The following CSMD1 variants were observed in gnomAD, a reference collection of about 807,000 sequenced individuals.
CSMD1 encodes CUB and Sushi multiple domains 1.
CSMD1 carries 213 observed loss-of-function variants against 417.5 expected under a neutral mutation model. The ratio of observed to expected loss-of-function variants is 0.51; its 90% CI spans 0.46 to 0.57. CSMD1 has a LOEUF of 0.57. Ranked by LOEUF, CSMD1 falls within the 20% of genes least tolerant of loss-of-function variation. CSMD1 has a pLI of 0.00. For missense variants in CSMD1, 6,923 were observed against 4,529.7 expected (o/e 1.53, Z -15.17); for synonymous variants, 2,862 against 1,736.8 (o/e 1.65, Z -16.11).
intron 2 of CSMD1, among the ~76,000 whole-genome samples, chr8:4,510,663 C>T (rs1455004316): frequency 2.1e-5 from 3 of 142,508 alleles, no homozygotes; most frequent in African/African-American, 7.8e-5. Context: ...TTCCTTCCGT[C>T]TTCCTTTCCT....
Position 4,171,669 on chromosome 8 carries a change from T to C in CSMD1, c.416-139570A>G, listed in dbSNP as rs758685009. Among the ~76,000 whole-genome samples, 34 of 152,008 alleles carry C rather than the reference T, an allele frequency of 2.2e-4. 1 individual carries two copies. The highest frequency in any genetic ancestry group is 4.0e-4 in the Non-Finnish European group (27 of 68,028). ...TGTTTTTTTCCCAATGCAGATAAAC[T>C]GGTAGAATATTTAGAACAAAGTTAA... is the stretch of plus-strand genomic sequence containing the variant. On this transcript the variant is annotated intron_variant, in intron 3 of 69. Transcript: ENST00000635120.
Position 3,708,495 on chromosome 8 carries a change from G to A in CSMD1, c.932-4C>T, listed in dbSNP as rs745578510. On this transcript the variant is annotated splice_polypyrimidine_tract_variant and splice_region_variant and intron_variant, in intron 6 of 69. Coordinates refer to ENST00000635120, the MANE Select transcript of CSMD1 (RefSeq NM_033225.6). Reference sequence around the variant, plus strand: ...TTCAACTCAATCGCCTTTTTCACTGGAAGAAACAAAACCAAGCCATTAGCA... The same window carrying A: ...TTCAACTCAATCGCCTTTTTCACTGAAAGAAACAAAACCAAGCCATTAGCA... 116 of 1,613,514 alleles carry A rather than the reference G, an allele frequency of 7.2e-5. No individual in the cohort carries two copies. The highest frequency in any genetic ancestry group is 6.7e-5 in the East Asian group (3 of 44,848).
At chr8:4,125,610 G>C (rs954630906) in intron 3 of CSMD1, among the ~76,000 whole-genome samples, 1 of 152,140 alleles carries the variant, frequency 6.6e-6, no homozygotes, top group Admixed American at 6.5e-5. Flanking sequence ...TTATAACTGA[G>C]GAAATTATGT....
Position 4,164,097 on chromosome 8 carries a change from T to C in CSMD1, c.416-131998A>G, listed in dbSNP as rs1341512065. On this transcript the variant is annotated intron_variant, in intron 3 of 69. Coordinates refer to ENST00000635120, the MANE Select transcript of CSMD1 (RefSeq NM_033225.6). ...TAAGAAAACTCCAATACTTATCATG[T>C]TTTTAAAGAATACTTTTAAATTTTA... Among the ~76,000 whole-genome samples the C allele has an allele frequency of 5.1e-5, 7 of 138,216 alleles. No individual in the cohort carries two copies. In the East Asian group the frequency reaches 1.6e-3, roughly 31 times the overall value. The allele number at this position is 138,216 out of a possible 152,430, so 90.7% of individuals were successfully genotyped here.
chr8:3,526,670 A>C (rs1797766962), intron 10 of CSMD1, among the ~76,000 whole-genome samples: 1 of 152,178 alleles, frequency 6.6e-6, no homozygotes, highest in South Asian at 2.1e-4. Context: ...ATTTGCCCGG[A>C]TGCAAAATAA....
chr8:4,436,211 C>T (rs1798141217), intron 2 of CSMD1, among the ~76,000 whole-genome samples: 1 of 152,086 alleles, frequency 6.6e-6, no homozygotes. Flanking sequence ...CTTCTTATGC[C>T]TCATATTAAC....
At chr8:4,785,815 A>C (rs1323765261) in intron 1 of CSMD1, among the ~76,000 whole-genome samples, 1 of 152,192 alleles carries the variant, frequency 6.6e-6, no homozygotes, top group East Asian at 1.9e-4. Flanking sequence ...GACTCGTTAA[A>C]TGGTGAAACT....
intron 3 of CSMD1, among the ~76,000 whole-genome samples, chr8:4,257,845 G>C (rs1273413982): frequency 2.0e-5 from 3 of 152,214 alleles, no homozygotes; most frequent in Non-Finnish European, 2.9e-5. Flanking sequence ...AAAGTAAGCA[G>C]TCATTATTCA....
chr8:3,356,972 G>A (rs1262013667), intron 21 of CSMD1, among the ~76,000 whole-genome samples: 3 of 152,042 alleles, frequency 2.0e-5, no homozygotes, highest in Non-Finnish European at 4.4e-5. Flanking sequence ...TGGGAGCTGC[G>A]GCCCCTGGGG....
intron 2 of CSMD1, among the ~76,000 whole-genome samples, chr8:4,465,351 G>C (rs1800101689): frequency 1.3e-5 from 2 of 152,132 alleles, no homozygotes; most frequent in Non-Finnish European, 1.5e-5. Flanking sequence ...GTGTACATCA[G>C]TACATGTCTA....
chr8:4,210,983 T>G (rs942109657), intron 3 of CSMD1, among the ~76,000 whole-genome samples: 1 of 152,174 alleles, frequency 6.6e-6, no homozygotes, highest in African/African-American at 2.4e-5. Context: ...CTTCAGGCAA[T>G]TACTACAAAC....
intron 6 of CSMD1, among the ~76,000 whole-genome samples, chr8:3,735,331 C>G (rs1159846221): frequency 6.6e-6 from 1 of 152,168 alleles, no homozygotes; most frequent in African/African-American, 2.4e-5. Context: ...CAAACACACA[C>G]ACACACAACC....
intron 1 of CSMD1, among the ~76,000 whole-genome samples, chr8:4,848,584 G>C (rs1301756247): frequency 1.3e-5 from 2 of 151,714 alleles, no homozygotes; most frequent in East Asian, 3.9e-4. Flanking sequence ...TGTCACCCAG[G>C]CCTGCGGTGC....
chr8:3,390,302 C>T (rs1791646726), intron 17 of CSMD1, among the ~76,000 whole-genome samples: 1 of 136,694 alleles, frequency 7.3e-6, no homozygotes, highest in African/African-American at 2.7e-5. Context: ...ATGCAGTGAG[C>T]CAAGGTTGTG....
At chr8:4,163,778 G>A (rs933736955) in intron 3 of CSMD1, among the ~76,000 whole-genome samples, 1 of 152,116 alleles carries the variant, frequency 6.6e-6, no homozygotes, top group African/African-American at 2.4e-5. Context: ...GAAATGTAAT[G>A]ACTTATTCAA....
rs559013629 is a variant in CSMD1 at position 3,785,281 on chromosome 8, G to A, written c.819-31239C>T. Reference sequence around the variant, plus strand: ...CTGTTTCAAAGCAAGCACGACAGAAGCATTTATAAAATAAATGATGAAACT... The same window carrying A: ...CTGTTTCAAAGCAAGCACGACAGAAACATTTATAAAATAAATGATGAAACT... On this transcript the variant is annotated intron_variant, in intron 5 of 69. Transcript: ENST00000635120. Among the ~76,000 whole-genome samples, 205 of 152,212 alleles carry A rather than the reference G, an allele frequency of 1.3e-3. 1 individual carries two copies. The highest frequency in any genetic ancestry group is 2.4e-3 in the Non-Finnish European group (162 of 68,034).
At chr8:3,180,622 T>A (rs73183569) in intron 37 of CSMD1, among the ~76,000 whole-genome samples, 19,832 of 152,120 alleles carry the variant, frequency 0.13, 1,613 homozygotes, top group Non-Finnish European at 0.19. Flanking sequence ...TCTCTCATAA[T>A]GTATATTTCT....
At chr8:2,967,098 C>G (rs1804036144) in intron 57 of CSMD1, among the ~76,000 whole-genome samples, 1 of 152,164 alleles carries the variant, frequency 6.6e-6, no homozygotes, top group Non-Finnish European at 1.5e-5. Context: ...AATGCCGTGA[C>G]AGAATTGTTG....
chr8:3,162,262 G>A lies in CSMD1; in HGVS notation c.5741C>T (p.Ala1914Val), dbSNP rs751280237. The A allele has an allele frequency of 6.2e-7, 1 of 1,606,492 alleles. No homozygotes were observed. Among genetic ancestry groups the A allele is most frequent in the Non-Finnish European group, 8.5e-7 (1 of 1,175,738 alleles). Reference protein sequence around the residue: ...HLEYKTVGLAACQEPALPSNS... With the variant: ...HLEYKTVGLAVCQEPALPSNS... ...GCTGGGGAGGGCTGGTTCTTGGCAT[G>A]CAGCAAGACCTACAGCTAGAAATGC... The change falls in exon 38 of 70, where the codon GCA becomes GTA. Residue 1914 changes from alanine (A) to valine (V), a missense_variant. Ala to Val is a moderately conservative substitution (Grantham distance 64). Transcript: ENST00000635120.
Sources: gnomAD v4.1 joint callset for allele counts (sites outside exome capture counted in the v4.1 genomes callset) on GRCh38, gnomAD v4.1.1 for gene constraint, MANE v1.5 for transcripts, NCBI Gene and HGNC (gene_info 2026-07-23, HGNC 2026-07-21) for gene names.